The following KIAA1217 variants were observed in gnomAD, a reference collection of about 807,000 sequenced individuals.
The protein encoded by KIAA1217 is sickle tail protein homolog.
In KIAA1217, 88 loss-of-function variants were observed where a neutral mutation model predicts 163.9. The observed-to-expected ratio is 0.54, with a 90% CI of 0.45 to 0.64. The LOEUF is 0.64. Among genes scored for constraint, KIAA1217 ranks in the 30% least tolerant of loss-of-function variants. The pLI, the probability that KIAA1217 is intolerant of heterozygous loss-of-function variation, is 0.00. For missense variants in KIAA1217, 2,372 were observed against 2,475.0 expected (o/e 0.96, Z 0.88); for synonymous variants, 903 against 923.1 (o/e 0.98, Z 0.39).
At chr10:24,148,351 A>G (rs918208455) in intron 2 of KIAA1217, among the ~76,000 whole-genome samples, 3 of 152,160 alleles carry the variant, frequency 2.0e-5, no homozygotes, top group Non-Finnish European at 2.9e-5. Context: ...AAAAAAACCT[A>G]AAGTTAAGCT....
At position 24,314,664 on chromosome 10, in the gene KIAA1217, G is replaced by A. The variant is rs545553438; in HGVS notation, c.355-66205G>A. 2.0e-5 allele frequency among the ~76,000 whole-genome samples: 3 copies of A among 152,242 alleles called. No individual in the cohort carries two copies. In the South Asian group the frequency reaches 6.2e-4, roughly 32 times the overall value. ...GATCTGCAAAATATACATATTGGCC[G>A]GGTGCAGTGGCTCACGCCTGTAATC... On this transcript the variant is annotated intron_variant, in intron 2 of 20. Transcript: ENST00000376454.
chr10:23,916,547 T>C (rs1842639843), intron 1 of KIAA1217, among the ~76,000 whole-genome samples: 1 of 152,218 alleles, frequency 6.6e-6, no homozygotes, highest in Non-Finnish European at 1.5e-5. Context: ...AGTGCTAGAT[T>C]AGAATAAATA....
chr10:24,523,283 C>G (rs1302145305), intron 12 of KIAA1217, among the ~76,000 whole-genome samples: 1 of 152,136 alleles, frequency 6.6e-6, no homozygotes, highest in African/African-American at 2.4e-5. Flanking sequence ...GATTGAGCCA[C>G]TGCACTCCAG....
At chr10:24,094,862 T>C (rs7088616) in intron 2 of KIAA1217, among the ~76,000 whole-genome samples, 20,746 of 152,216 alleles carry the variant, frequency 0.14, 3,328 homozygotes, top group African/African-American at 0.39. Flanking sequence ...GCAGGCAGGC[T>C]TTCTTGAGCT....
intron 2 of KIAA1217, chr10:24,158,609 C>A: frequency 2.0e-6 from 1 of 508,450 alleles, no homozygotes; most frequent in Non-Finnish European, 4.0e-6. Flanking sequence ...TCATCTCCAT[C>A]TTTCGCCTTT....
chr10:24,293,204 G>T (rs11014006), intron 2 of KIAA1217, among the ~76,000 whole-genome samples: 5 of 151,976 alleles, frequency 3.3e-5, no homozygotes, highest in African/African-American at 1.2e-4. Context: ...CACCATGCCC[G>T]GCTAATTTTG....
rs1405874514 is a variant in KIAA1217, at chr10:24,492,780, C to T, written c.1680-1720C>T. ...TACCCTTGAATATCATCTTGATTGT[C>T]ACAAAATTCAGGATGCAGATGCACC... is the stretch of plus-strand genomic sequence containing the variant. On this transcript the variant is annotated intron_variant, in intron 6 of 20. Transcript: ENST00000376454. Among the ~76,000 whole-genome samples, 21 of 133,030 alleles carry T rather than the reference C, an allele frequency of 1.6e-4. No homozygotes were observed. In the East Asian group the frequency reaches 5.0e-3, roughly 32 times the overall value. 87.3% of individuals were successfully genotyped at this position (133,030 alleles called of 152,430 possible).
intron 2 of KIAA1217, among the ~76,000 whole-genome samples, chr10:24,116,476 G>A (rs2063059200): frequency 6.6e-6 from 1 of 152,048 alleles, no homozygotes; most frequent in African/African-American, 2.4e-5. Flanking sequence ...GAGACTGCAT[G>A]GCCTGCAAAG....
At chr10:24,210,757 TA>T (rs1246070798) in intron 1 of KIAA1217, among the ~76,000 whole-genome samples, 1 of 152,156 alleles carries the variant, frequency 6.6e-6, no homozygotes, top group Non-Finnish European at 1.5e-5. Context: ...CAAAGCAGAC[TA>T]AAAATACTTG....
intron 1 of KIAA1217, among the ~76,000 whole-genome samples, chr10:23,819,951 A>G (rs1382390492): frequency 6.6e-6 from 1 of 152,186 alleles, no homozygotes; most frequent in East Asian, 1.9e-4. Context: ...AGCTCTAAAG[A>G]TCTATAAATG....
chr10:24,119,814 A>G (rs144850563), intron 2 of KIAA1217, among the ~76,000 whole-genome samples: 1 of 152,288 alleles, frequency 6.6e-6, no homozygotes, highest in African/African-American at 2.4e-5. Context: ...TGGCTGCTTC[A>G]ATGTGCTGTC....
intron 1 of KIAA1217, among the ~76,000 whole-genome samples, chr10:23,975,257 G>A (rs770229214): frequency 1.9e-4 from 29 of 152,276 alleles, no homozygotes; most frequent in Admixed American, 3.9e-4. Context: ...TTACTGCTCC[G>A]TGGGTCTCTT....
chr10:24,119,972 T>C (rs2063215774), intron 2 of KIAA1217, among the ~76,000 whole-genome samples: 1 of 152,210 alleles, frequency 6.6e-6, no homozygotes, highest in Admixed American at 6.5e-5. Flanking sequence ...TGAAACCCAC[T>C]TCCGTGGAAG....
chr10:24,127,656 T>C (rs2063514735), intron 2 of KIAA1217, among the ~76,000 whole-genome samples: 2 of 152,206 alleles, frequency 1.3e-5, no homozygotes, highest in Non-Finnish European at 2.9e-5. Flanking sequence ...TTTACAGATA[T>C]GATGGGGACT....
chr10:24,002,060 T>C lies in KIAA1217; in HGVS notation c.-320-5165T>C, dbSNP rs529151593. 2.6e-5 allele frequency among the ~76,000 whole-genome samples: 4 copies of C among 152,260 alleles called. No homozygotes were observed. The East Asian group carries it at 7.7e-4, about 29-fold the overall frequency. On this transcript the variant is annotated intron_variant, in intron 1 of 18. Transcript: ENST00000376462. ...TGGGGTCTGTGATAGTAGATGAGGC[T>C]GGGAAAAGAAACCAAGAGGCAGGCA...
rs529885591 is a variant in KIAA1217, at chr10:24,298,370, A to G, written c.354+78461A>G. On this transcript the variant is annotated intron_variant, in intron 2 of 20. Transcript: ENST00000376454. Reference sequence around the variant, plus strand: ...TGACTAAGCAAGTTTTAAAATAAGTATATCTCAGGATATAAAAAGAGGCCT... The same window carrying G: ...TGACTAAGCAAGTTTTAAAATAAGTGTATCTCAGGATATAAAAAGAGGCCT... Among the ~76,000 whole-genome samples the G allele has an allele frequency of 4.2e-4, 64 of 152,344 alleles. 2 individuals carry two copies. Among genetic ancestry groups the G allele is most frequent in the African/African-American group, 1.4e-3 (57 of 41,580 alleles).
chr10:24,149,791 A>G (rs1297240470), intron 2 of KIAA1217, among the ~76,000 whole-genome samples: 1 of 152,178 alleles, frequency 6.6e-6, no homozygotes, highest in Non-Finnish European at 1.5e-5. Context: ...ATTTGAGGTG[A>G]CGCATATCCC....
intron 2 of KIAA1217, among the ~76,000 whole-genome samples, chr10:24,201,454 C>T (rs557469766): frequency 8.5e-5 from 13 of 152,138 alleles, no homozygotes; most frequent in East Asian, 3.9e-4. Flanking sequence ...CAAAGCAAAA[C>T]GATGTCATCT....
chr10:23,971,177 C>A (rs1287253474), intron 1 of KIAA1217, among the ~76,000 whole-genome samples: 1 of 152,136 alleles, frequency 6.6e-6, no homozygotes, highest in Non-Finnish European at 1.5e-5. Flanking sequence ...GCCGCGTGCA[C>A]AGTGTGTTTA....
Sources: gnomAD v4.1 joint callset for allele counts (sites outside exome capture counted in the v4.1 genomes callset) on GRCh38, gnomAD v4.1.1 for gene constraint, MANE v1.5 for transcripts, NCBI Gene and HGNC (gene_info 2026-07-23, HGNC 2026-07-21) for gene names.